CHM: variants seen among roughly 807,000 people sequenced by gnomAD.
CHM encodes the protein rab proteins geranylgeranyltransferase component A 1.
A neutral mutation model predicts 49.0 loss-of-function variants in CHM; 10 were observed. That is an observed-to-expected ratio of 0.20 (90% CI 0.13 to 0.35). CHM has a LOEUF of 0.35. Among genes scored for constraint, CHM ranks in the 10% least tolerant of loss-of-function variants. The pLI is 1.00. For synonymous variants in CHM, 184 were observed against 167.5 expected (o/e 1.10, Z -0.76); for missense variants, 455 against 478.4 (o/e 0.95, Z 0.46).
intron 14 of CHM, among the ~76,000 whole-genome samples, chrX:85,870,454 A>T (rs775958426): frequency 8.9e-6 from 1 of 112,118 alleles, no homozygotes; most frequent in Non-Finnish European, 1.9e-5. Context: ...TCCATAAAAC[A>T]ATGCTCTAAA....
At chrX:85,978,572 G>A (rs1931410330) in intron 4 of CHM, 195 bp downstream of exon 4, 2 of 317,369 alleles carry the variant, frequency 6.3e-6, no homozygotes, top group South Asian at 3.8e-5. Context: ...TGGTAAATTC[G>A]GAGGCGTTAA....
At chrX:85,928,147 A>G (rs1320074775) in intron 8 of CHM, among the ~76,000 whole-genome samples, 1 of 112,510 alleles carries the variant, frequency 8.9e-6, no homozygotes, top group African/African-American at 3.2e-5. Flanking sequence ...GTTAAGAGAG[A>G]AATATACTGT....
chrX:85,899,288 AATGGTGGTAAGTAAATACC>A (rs1249761261), intron 11 of CHM, among the ~76,000 whole-genome samples: 1 of 111,361 alleles, frequency 9.0e-6, no homozygotes, highest in African/African-American at 3.3e-5. Context: ...TGAAATGAAC[AATGGTGGTAAGTAAATACC>A]ATAACCGGGG....
Position 85,972,698 on chromosome X carries a change from C to G in CHM, c.314+6069G>C, listed in dbSNP as rs955371889. Reference sequence around the variant, plus strand: ...CGCCCACCCGGAACTCCAGCTGGCCCGCAAGCGCCACGCGCAGCCCCAGTT... The same window carrying G: ...CGCCCACCCGGAACTCCAGCTGGCCGGCAAGCGCCACGCGCAGCCCCAGTT... On this transcript the variant is annotated intron_variant, in intron 4 of 14. Coordinates refer to ENST00000357749, the MANE Select transcript of CHM (RefSeq NM_000390.4). Among the ~76,000 whole-genome samples, 4 of 112,531 alleles carry G rather than the reference C, an allele frequency of 3.6e-5. No individual in the cohort carries two copies. The East Asian group carries it at 1.1e-3, about 32-fold the overall frequency.
chrX:86,024,007 T>C (rs1213745462), intron 2 of CHM, among the ~76,000 whole-genome samples: 5 of 111,544 alleles, frequency 4.5e-5, no homozygotes, highest in Non-Finnish European at 5.7e-5. Flanking sequence ...GGCACTCTTA[T>C]ACAGTATTAC....
chrX:85,882,474 C>CA (rs199551359), intron 12 of CHM, among the ~76,000 whole-genome samples: 13 of 106,098 alleles, frequency 1.2e-4, no homozygotes, highest in South Asian at 4.0e-4. Flanking sequence ...GATAACTGAA[C>CA]AAAAAAAAAA....
At chrX:85,872,952 T>A in intron 14 of CHM, 100 bp downstream of exon 14, 1 of 826,621 alleles carries the variant, frequency 1.2e-6, no homozygotes, top group Non-Finnish European at 1.8e-6. Flanking sequence ...ATGGTACTAC[T>A]GAGAGATGCT....
At chrX:86,013,146 G>A (rs1383471016) in intron 2 of CHM, among the ~76,000 whole-genome samples, 6 of 111,333 alleles carry the variant, frequency 5.4e-5, no homozygotes, top group Non-Finnish European at 9.4e-5. Flanking sequence ...GAAACCACCT[G>A]GAGTCCCCTT....
intron 2 of CHM, among the ~76,000 whole-genome samples, chrX:85,983,509 C>A (rs1931743181): frequency 9.0e-6 from 1 of 111,357 alleles, no homozygotes; most frequent in African/African-American, 3.3e-5. Flanking sequence ...ATTCTGCTAT[C>A]TCTTCCCATC....
chrX:85,897,068 TTATATATTAATTACATAA>T (rs1295196314), intron 11 of CHM, among the ~76,000 whole-genome samples: 14 of 92,119 alleles, frequency 1.5e-4, no homozygotes, highest in African/African-American at 5.7e-4. Flanking sequence ...ACATAATATA[TTATATATTAATTACATAA>T]TATATAATAT....
intron 14 of CHM, among the ~76,000 whole-genome samples, chrX:85,870,179 A>G (rs2148117077): frequency 8.9e-6 from 1 of 111,932 alleles, no homozygotes; most frequent in Admixed American, 9.5e-5. Context: ...GGTATATCAC[A>G]AATACTTATC....
chrX:85,892,449 C>A (rs932823220), intron 12 of CHM, among the ~76,000 whole-genome samples: 1 of 111,077 alleles, frequency 9.0e-6, no homozygotes, highest in African/African-American at 3.3e-5. Flanking sequence ...GTAAGTCTTA[C>A]AAGATCTGAT....
At chrX:86,001,397 G>A (rs1004604881) in intron 2 of CHM, among the ~76,000 whole-genome samples, 3 of 111,106 alleles carry the variant, frequency 2.7e-5, no homozygotes, top group African/African-American at 9.8e-5. Context: ...GGGAGTTCTT[G>A]CATTGCTATA....
intron 8 of CHM, among the ~76,000 whole-genome samples, chrX:85,939,639 C>A (rs1238320130): frequency 8.9e-6 from 1 of 112,564 alleles, no homozygotes; most frequent in Non-Finnish European, 1.9e-5. Flanking sequence ...AATGGTGCTT[C>A]TATTTCTTTA....
intron 4 of CHM, among the ~76,000 whole-genome samples, chrX:85,974,797 CCAAAATAAT>C (rs971058244): frequency 5.5e-5 from 6 of 109,651 alleles, no homozygotes; most frequent in African/African-American, 1.6e-4. Context: ...AGACTTCACA[CCAAAATAAT>C]CAAAATAATC....
chrX:85,965,171 T>C (rs1444998186), intron 4 of CHM, among the ~76,000 whole-genome samples: 1 of 112,616 alleles, frequency 8.9e-6, no homozygotes, highest in East Asian at 2.8e-4. Context: ...TTGGTTCATA[T>C]CATTTGTTTC....
intron 2 of CHM, among the ~76,000 whole-genome samples, chrX:86,005,743 A>C (rs1342016443): frequency 8.9e-6 from 1 of 111,861 alleles, no homozygotes; most frequent in Non-Finnish European, 1.9e-5. Context: ...TAGACCAATA[A>C]CAGGCTCTGA....
intron 4 of CHM, among the ~76,000 whole-genome samples, chrX:85,975,547 C>T (rs1260223696): frequency 8.9e-6 from 1 of 111,921 alleles, no homozygotes. Flanking sequence ...AAAAAAAGCC[C>T]ATGCCAAAAC....
At chrX:86,014,168 T>C (rs1933194820) in intron 2 of CHM, among the ~76,000 whole-genome samples, 1 of 111,713 alleles carries the variant, frequency 9.0e-6, no homozygotes, top group African/African-American at 3.3e-5. Flanking sequence ...GAAAGAGATG[T>C]TATGAGGAAT....
Sources: allele counts gnomAD v4.1 joint callset (sites outside exome capture counted in the v4.1 genomes callset), GRCh38; gene constraint gnomAD v4.1.1; transcripts MANE v1.5; gene names NCBI Gene and HGNC (gene_info 2026-07-23, HGNC 2026-07-21).